WDR45B: variants seen among roughly 807,000 people sequenced by gnomAD.
WDR45B encodes the protein WD repeat domain 45B.
A neutral mutation model predicts 44.6 loss-of-function variants in WDR45B; 20 were observed. The observed-to-expected ratio is 0.45, with a 90% confidence interval of 0.32 to 0.65. The LOEUF (loss-of-function observed/expected upper bound fraction) is 0.65. Among genes scored for constraint, WDR45B ranks in the 30% least tolerant of loss-of-function variants. WDR45B has a pLI of 0.05. For synonymous variants in WDR45B, 169 were observed against 164.9 expected, an observed-to-expected ratio of 1.02 and a Z score of -0.19; for missense variants, 323 against 430.2, an observed-to-expected ratio of 0.75 and a Z score of 2.20.
At chr17:82,636,861 T>A (rs1054584309) in intron 2 of WDR45B, among the ~76,000 whole-genome samples, 1 of 151,914 alleles carries the variant, frequency 6.6e-6, no homozygotes, top group Admixed American at 6.6e-5. Flanking sequence ...TCTCACACGC[T>A]CCACCTCTGT....
At chr17:82,636,826 C>T (rs573077385) in intron 2 of WDR45B, among the ~76,000 whole-genome samples, 1 of 152,106 alleles carries the variant, frequency 6.6e-6, no homozygotes, top group South Asian at 2.1e-4. Context: ...GTTACCTGTA[C>T]ACATTGTTCC....
chr17:82,648,150 C>A (rs2046006119), intron 1 of WDR45B, 124 bp downstream of exon 1: 4 of 1,142,302 alleles, frequency 3.5e-6, no homozygotes, highest in Admixed American at 6.0e-5. Flanking sequence ...GGAGCTCGGG[C>A]GGGGCCGGGG....
intron 4 of WDR45B, chr17:82,625,858 T>A: frequency 3.3e-6 from 1 of 302,646 alleles, no homozygotes; most frequent in Admixed American, 4.8e-5. Flanking sequence ...ATATCCTCGA[T>A]CTGGCTCAAG....
At chr17:82,647,453 G>A (rs2045993331) in intron 1 of WDR45B, among the ~76,000 whole-genome samples, 5 of 152,216 alleles carry the variant, frequency 3.3e-5, no homozygotes, top group Admixed American at 2.6e-4. Flanking sequence ...CGCCTCCCGC[G>A]GGAATCCGAC....
At chr17:82,637,865 G>A (rs991603538) in intron 2 of WDR45B, among the ~76,000 whole-genome samples, 2 of 151,672 alleles carry the variant, frequency 1.3e-5, no homozygotes, top group African/African-American at 2.4e-5. Flanking sequence ...TCTCTGGGGA[G>A]GGTCCTGAGA....
chr17:82,628,270 C>G (rs1006583804), intron 3 of WDR45B, among the ~76,000 whole-genome samples: 1 of 152,186 alleles, frequency 6.6e-6, no homozygotes, highest in Non-Finnish European at 1.5e-5. Context: ...TAGGACTGCA[C>G]GTGTGAGCCA....
intron 5 of WDR45B, among the ~76,000 whole-genome samples, chr17:82,623,876 G>A (rs1317618721): frequency 1.3e-5 from 2 of 151,996 alleles, no homozygotes; most frequent in Non-Finnish European, 2.9e-5. Context: ...AGGAGATGCC[G>A]TTACCAGTGA....
At chr17:82,618,967 T>C in intron 7 of WDR45B, 76 bp downstream of exon 7, 1 of 1,417,986 alleles carries the variant, frequency 7.1e-7, no homozygotes, top group South Asian at 1.2e-5. Flanking sequence ...TCCTACCCCC[T>C]CTCCCAAATC....
chr17:82,645,309 C>CA (rs1369227689), intron 1 of WDR45B, among the ~76,000 whole-genome samples: 8 of 148,542 alleles, frequency 5.4e-5, no homozygotes, highest in Admixed American at 4.0e-4. Context: ...AAAAAAAAAA[C>CA]AAAAATAAAA....
intron 1 of WDR45B, among the ~76,000 whole-genome samples, chr17:82,646,157 A>G (rs2045972406): frequency 6.7e-6 from 1 of 150,354 alleles, no homozygotes; most frequent in Admixed American, 6.6e-5. Flanking sequence ...TATACTCAAC[A>G]ATACGGAAAA....
intron 5 of WDR45B, 129 bp from the exon 6 acceptor site, chr17:82,621,928 CAATTT>C: frequency 9.2e-7 from 1 of 1,087,626 alleles, no homozygotes; most frequent in Non-Finnish European, 1.4e-6. Flanking sequence ...ACCACAAATT[CAATTT>C]AAAGATTTTT....
Position 82,615,571 on chromosome 17 carries a change from C to T in WDR45B, c.*348G>A, listed in dbSNP as rs184413649. ...TCTGCTGCAAAAACAAACCTGAACT[C>T]GTCCACCCTCTCAGCCCAGTCCCCA... On this transcript the variant is annotated 3_prime_UTR_variant, in exon 10 of 10. Transcript: ENST00000392325. 409 of 362,724 alleles carry T rather than the reference C, an allele frequency of 1.1e-3. 6 individuals are homozygous for T. The highest frequency in any genetic ancestry group is 9.5e-3 in the South Asian group (349 of 36,640). 22.5% of individuals were successfully genotyped at this position (362,724 alleles called of 1,614,324 possible).
At chr17:82,643,608 G>C (rs2045943003) in intron 2 of WDR45B, among the ~76,000 whole-genome samples, 1 of 152,138 alleles carries the variant, frequency 6.6e-6, no homozygotes, top group Non-Finnish European at 1.5e-5. Flanking sequence ...ACCACTTACT[G>C]TTCTACATCC....
intron 2 of WDR45B, among the ~76,000 whole-genome samples, chr17:82,638,442 G>A (rs1181264574): frequency 6.6e-6 from 1 of 151,582 alleles, no homozygotes; most frequent in Non-Finnish European, 1.5e-5. Context: ...TTACCGGCCA[G>A]GGTGAAAACC....
chr17:82,631,464 T>C (rs571902960), intron 2 of WDR45B, among the ~76,000 whole-genome samples: 25 of 149,286 alleles, frequency 1.7e-4, no homozygotes, highest in Admixed American at 3.4e-4. Flanking sequence ...TTTGTATTTT[T>C]AGTAGAGATG....
intron 2 of WDR45B, among the ~76,000 whole-genome samples, chr17:82,640,239 G>C (rs1568015575): frequency 1.3e-5 from 2 of 152,144 alleles, no homozygotes; most frequent in African/African-American, 4.8e-5. Flanking sequence ...CACAAGCCCA[G>C]ATCCAGGACA....
At chr17:82,643,079 CCT>C (rs1175935438) in intron 2 of WDR45B, among the ~76,000 whole-genome samples, 8 of 152,148 alleles carry the variant, frequency 5.3e-5, no homozygotes, top group Non-Finnish European at 8.8e-5. Flanking sequence ...TCTTACGCAC[CCT>C]GACTCATTTT....
chr17:82,630,036 A>G (rs753224094), intron 3 of WDR45B: 23 of 961,586 alleles, frequency 2.4e-5, no homozygotes, highest in South Asian at 1.4e-4. Flanking sequence ...GTGGCCTTCA[A>G]TGTCACCAGA....
In WDR45B at chr17:82,630,954, C is replaced by T. The variant is rs2045759312; in HGVS notation, c.211G>A (p.Gly71Ser). Residue 71 changes from glycine to serine, a missense_variant, in exon 3 of 10, where the codon GGT becomes AGT. By Grantham distance (56) the Gly-to-Ser change is moderately conservative. Transcript: ENST00000392325. ...GGAGGGTATTTCGGCTTTTTTCCAC[C>T]ACCAACTAAAGCTAAATAGTTGCAG... ...FRCNYLALVG[G>S]GKKPKYPPNK... 6.2e-7 allele frequency: 1 copy of T among 1,612,774 alleles called. No individual in the cohort carries two copies. Among genetic ancestry groups the T allele is most frequent in the Non-Finnish European group, 8.5e-7 (1 of 1,180,020 alleles).
Sources: allele counts gnomAD v4.1 joint callset (sites outside exome capture counted in the v4.1 genomes callset), GRCh38; gene constraint gnomAD v4.1.1; transcripts MANE v1.5; gene names NCBI Gene and HGNC (gene_info 2026-07-23, HGNC 2026-07-21).